NHS: variants seen among roughly 807,000 people sequenced by gnomAD.
NHS encodes the protein NHS actin remodeling regulator, also known as actin remodeling regulator NHS.
A neutral mutation model predicts 72.5 loss-of-function variants in NHS; 5 were observed. The observed-to-expected ratio is 0.07, with a 90% CI of 0.04 to 0.14. The LOEUF (loss-of-function observed/expected upper bound fraction) is 0.14. Ranked by LOEUF, NHS falls within the 10% of genes least tolerant of loss-of-function variation. The probability of loss-of-function intolerance (pLI) is 1.00; values close to 1 mark genes in which losing one functional copy is unlikely to be tolerated. For missense variants in NHS, 1,072 were observed against 1,355.7 expected (o/e 0.79, Z 3.29); for synonymous variants, 464 against 547.7 (o/e 0.85, Z 2.13).
chrX:17,732,548 G>A lies in NHS; in HGVS notation c.*84G>A. The stretch of plus-strand genomic sequence containing the variant: ...GAACAGAACAGAGGACTTGGGAAAA[G>A]TCTCAACTTGATGGGGTAGCATCAC... On this transcript the variant is annotated 3_prime_UTR_variant, in exon 9 of 9. Coordinates refer to ENST00000676302, the MANE Select transcript of NHS (RefSeq NM_001291867.2). The A allele has an allele frequency of 8.6e-7, 1 of 1,169,468 alleles. No individual in the cohort carries two copies. Among genetic ancestry groups the A allele is most frequent in the Non-Finnish European group, 1.2e-6 (1 of 858,156 alleles).
intron 1 of NHS, among the ~76,000 whole-genome samples, chrX:17,601,824 G>C (rs765923553): frequency 9.0e-6 from 1 of 111,661 alleles, no homozygotes; most frequent in Non-Finnish European, 1.9e-5. Flanking sequence ...TCCCACCCTC[G>C]ATACTCTGGG....
chrX:17,400,200 T>C (rs112397479), intron 1 of NHS, among the ~76,000 whole-genome samples: 569 of 111,938 alleles, frequency 5.1e-3, no homozygotes, highest in African/African-American at 0.017. Context: ...AACTAATAAA[T>C]GAGTTTAGGA....
chrX:17,674,799 C>T (rs1386867192), intron 1 of NHS, among the ~76,000 whole-genome samples: 1 of 112,031 alleles, frequency 8.9e-6, no homozygotes, highest in Non-Finnish European at 1.9e-5. Flanking sequence ...CAAAGGCTCT[C>T]CTCATCACTG....
chrX:17,498,392 A>T (rs762369880), intron 1 of NHS, among the ~76,000 whole-genome samples: 1 of 111,196 alleles, frequency 9.0e-6, no homozygotes, highest in Non-Finnish European at 1.9e-5. Context: ...CCTGGTAAAA[A>T]TTTTGCCTCG....
chrX:17,585,924 T>C (rs750299191), intron 1 of NHS: 4 of 110,771 alleles, frequency 3.6e-5, no homozygotes, highest in African/African-American at 1.3e-4. Flanking sequence ...TGGTTGTTTG[T>C]ACACAGAAAG....
At chrX:17,644,652 T>C (rs2065897595) in intron 1 of NHS, among the ~76,000 whole-genome samples, 1 of 111,551 alleles carries the variant, frequency 9.0e-6, no homozygotes, top group Non-Finnish European at 1.9e-5. Flanking sequence ...TAGGGAGGGA[T>C]AAAGTCAGGC....
At chrX:17,683,443 A>G (rs2066141244) in intron 1 of NHS, among the ~76,000 whole-genome samples, 1 of 111,785 alleles carries the variant, frequency 8.9e-6, no homozygotes, top group Non-Finnish European at 1.9e-5. Context: ...ACTTATTTCA[A>G]TATTGGTTTG....
At chrX:17,563,831 A>G (rs912689698) in intron 1 of NHS, among the ~76,000 whole-genome samples, 5 of 110,394 alleles carry the variant, frequency 4.5e-5, no homozygotes, top group African/African-American at 9.9e-5. Flanking sequence ...GAGGAAAGGT[A>G]CACAAGGAGG....
chrX:17,582,977 G>T (rs1423816102), intron 1 of NHS, among the ~76,000 whole-genome samples: 1 of 111,656 alleles, frequency 9.0e-6, no homozygotes, highest in Non-Finnish European at 1.9e-5. Flanking sequence ...GCTCCCACTG[G>T]GACCATATGC....
intron 1 of NHS, among the ~76,000 whole-genome samples, chrX:17,544,692 T>C (rs1335125598): frequency 9.0e-6 from 1 of 111,475 alleles, no homozygotes; most frequent in African/African-American, 3.3e-5. Flanking sequence ...CTTGTATTTT[T>C]AGTACAGACG....
In NHS at chrX:17,394,898, C is replaced by T. The variant is rs778904688; in HGVS notation, c.565+18576C>T. Among the ~76,000 whole-genome samples, 14 of 111,557 alleles carry T rather than the reference C, an allele frequency of 1.3e-4. 1 individual carries two copies. In the South Asian group the frequency reaches 3.8e-3, roughly 30 times the overall value. On this transcript the variant is annotated intron_variant, in intron 1 of 8. Coordinates refer to ENST00000676302, the MANE Select transcript of NHS (RefSeq NM_001291867.2). ...ACTGCCTTCTGCTAGTACAATGTCACGTTATTTCACAAGCCCCTCAAAATT... is the reference window on the plus strand; with the variant it reads ...ACTGCCTTCTGCTAGTACAATGTCATGTTATTTCACAAGCCCCTCAAAATT...
At chrX:17,567,781 G>A (rs181327461) in intron 1 of NHS, among the ~76,000 whole-genome samples, 1 of 108,986 alleles carries the variant, frequency 9.2e-6, no homozygotes, top group East Asian at 2.9e-4. Context: ...GCAAGAAAGA[G>A]GAAGAGAAAA....
intron 1 of NHS, among the ~76,000 whole-genome samples, chrX:17,545,235 C>T (rs2065286497): frequency 8.9e-6 from 1 of 112,709 alleles, no homozygotes; most frequent in Non-Finnish European, 1.9e-5. Context: ...CTTTATTGAT[C>T]TGGGGAGGCT....
chrX:17,474,074 T>G (rs2064903817), intron 1 of NHS, among the ~76,000 whole-genome samples: 1 of 111,552 alleles, frequency 9.0e-6, no homozygotes. Flanking sequence ...CTCTCCCTCC[T>G]CCCACCTTCC....
At chrX:17,399,079 T>C (rs995425369) in intron 1 of NHS, among the ~76,000 whole-genome samples, 2 of 111,735 alleles carry the variant, frequency 1.8e-5, no homozygotes, top group Non-Finnish European at 3.8e-5. Context: ...TGGGGATTCC[T>C]GCCTACTTGA....
chrX:17,609,551 A>G (rs1300371563), intron 1 of NHS, among the ~76,000 whole-genome samples: 2 of 112,111 alleles, frequency 1.8e-5, no homozygotes, highest in Non-Finnish European at 3.8e-5. Context: ...AGGGCTTCCA[A>G]TACCATGGCA....
chrX:17,590,055 A>G (rs1325221281), intron 1 of NHS, among the ~76,000 whole-genome samples: 1 of 111,248 alleles, frequency 9.0e-6, no homozygotes, highest in Non-Finnish European at 1.9e-5. Flanking sequence ...ATGAGAAATA[A>G]CTCTCTGTGT....
chrX:17,505,270 T>G (rs2065052150), intron 1 of NHS, among the ~76,000 whole-genome samples: 1 of 111,876 alleles, frequency 8.9e-6, no homozygotes, highest in African/African-American at 3.3e-5. Context: ...GTGTATTCTT[T>G]TACATATAAT....
At chrX:17,704,278 T>TA (rs1169062915) in intron 3 of NHS, among the ~76,000 whole-genome samples, 4 of 107,548 alleles carry the variant, frequency 3.7e-5, no homozygotes, top group Non-Finnish European at 7.7e-5. Flanking sequence ...ACTCTATCTC[T>TA]AAAAAAAATT....
Sources: gnomAD v4.1 joint callset for allele counts (sites outside exome capture counted in the v4.1 genomes callset) on GRCh38, gnomAD v4.1.1 for gene constraint, MANE v1.5 for transcripts, NCBI Gene and HGNC (gene_info 2026-07-23, HGNC 2026-07-21) for gene names.